Variants in SLC17A1 observed in about 807,000 individuals in gnomAD.
SLC17A1 encodes sodium-dependent phosphate transport protein 1.
In SLC17A1, 51 loss-of-function variants were observed where a neutral mutation model predicts 53.5. The observed-to-expected ratio is 0.95, with a 90% CI of 0.76 to 1.20. The LOEUF (loss-of-function observed/expected upper bound fraction) is 1.20. Ranked by LOEUF, SLC17A1 falls within the 50% of genes most tolerant of loss-of-function variation. SLC17A1 has a pLI of 0.00. For missense variants in SLC17A1, 538 were observed against 568.2 expected, an observed-to-expected ratio of 0.95 and a Z score of 0.54; for synonymous variants, 179 against 198.8, an observed-to-expected ratio of 0.90 and a Z score of 0.84.
At chr6:25,822,913 A>G (rs531454864) in intron 3 of SLC17A1, among the ~76,000 whole-genome samples, 2 of 152,120 alleles carry the variant, frequency 1.3e-5, no homozygotes, top group African/African-American at 2.4e-5. Context: ...GACAGTGAAC[A>G]TATTCTTTAT....
intron 12 of SLC17A1, among the ~76,000 whole-genome samples, chr6:25,788,133 C>G (rs954374297): frequency 1.3e-5 from 2 of 152,118 alleles, no homozygotes; most frequent in African/African-American, 4.8e-5. Flanking sequence ...GCTAGCCAGA[C>G]ACAGCCAGCT....
chr6:25,781,993 G>A (rs1043283053), downstream of SLC17A1, among the ~76,000 whole-genome samples: 4 of 152,172 alleles, frequency 2.6e-5, no homozygotes, highest in Admixed American at 6.5e-5. Flanking sequence ...GAGAAAAGTC[G>A]CATATGCAAA....
intron 6 of SLC17A1, among the ~76,000 whole-genome samples, chr6:25,815,005 A>T (rs148269701): frequency 0.3 from 45,599 of 149,750 alleles, 7,724 homozygotes; most frequent in East Asian, 0.68. Context: ...ACACACACAC[A>T]CACACACACA....
At chr6:25,791,941 A>G (rs905691018) in intron 12 of SLC17A1, among the ~76,000 whole-genome samples, 2 of 152,360 alleles carry the variant, frequency 1.3e-5, no homozygotes, top group East Asian at 3.9e-4. Flanking sequence ...ATAGAGCTGT[A>G]GAGTCCATTT....
At chr6:25,767,639 A>G in the SLC17A1 span, among the ~76,000 whole-genome samples, 1 of 152,230 alleles carries the variant, frequency 6.6e-6, no homozygotes, top group African/African-American at 2.4e-5. Flanking sequence ...TAATTAAAGG[A>G]CATGTCACAC....
chr6:25,725,001 T>A, the SLC17A1 span, among the ~76,000 whole-genome samples: 142 of 133,092 alleles, frequency 1.1e-3, 2 homozygotes, highest in South Asian at 1.0e-2. Context: ...AGCAGTTTTT[T>A]TTTTGGTAAC....
chr6:25,784,725 T>C (rs1455412508), intron 12 of SLC17A1, among the ~76,000 whole-genome samples: 1 of 152,186 alleles, frequency 6.6e-6, no homozygotes, highest in Non-Finnish European at 1.5e-5. Context: ...AAAAGCCATA[T>C]GGCTTTTAGA....
chr6:25,734,385 G>A, the SLC17A1 span, among the ~76,000 whole-genome samples: 11 of 152,158 alleles, frequency 7.2e-5, no homozygotes, highest in African/African-American at 2.7e-4. Context: ...TGAGGATTAA[G>A]ATGAATGGGG....
At chr6:25,777,092 T>A in the SLC17A1 span, 1 of 947,916 alleles carries the variant, frequency 1.1e-6, no homozygotes, top group Non-Finnish European at 1.5e-6. Flanking sequence ...CTCTACATCC[T>A]ACATCTAAAT....
At chr6:25,808,929 G>T (rs1764053578) in intron 10 of SLC17A1, among the ~76,000 whole-genome samples, 1 of 151,936 alleles carries the variant, frequency 6.6e-6, no homozygotes, top group Non-Finnish European at 1.5e-5. Context: ...AGATATTATT[G>T]TATCAAAAAA....
At chr6:25,807,505 G>A (rs773276864) in intron 10 of SLC17A1, among the ~76,000 whole-genome samples, 1 of 151,900 alleles carries the variant, frequency 6.6e-6, no homozygotes, top group African/African-American at 2.4e-5. Context: ...GGTGGTATTT[G>A]GTTACAGGGA....
the SLC17A1 span, among the ~76,000 whole-genome samples, chr6:25,740,434 A>G: frequency 1.6e-4 from 24 of 152,192 alleles, no homozygotes; most frequent in Non-Finnish European, 3.1e-4. Context: ...GATTAATATA[A>G]GTTATTTGTT....
chr6:25,765,961 A>G, the SLC17A1 span, among the ~76,000 whole-genome samples: 1 of 152,010 alleles, frequency 6.6e-6, no homozygotes, highest in African/African-American at 2.4e-5. Flanking sequence ...CAGAGAGATT[A>G]AATACAAGCA....
At chr6:25,817,245 C>T (rs1023759411) in intron 6 of SLC17A1, among the ~76,000 whole-genome samples, 24 of 152,164 alleles carry the variant, frequency 1.6e-4, no homozygotes, top group African/African-American at 5.6e-4. Context: ...CAGTTATTGT[C>T]GTATTCTTTA....
Position 25,819,384 on chromosome 6 carries a change from A to G in SLC17A1, c.529+127T>C, listed in dbSNP as rs138874279. 349 of 809,844 alleles carry G rather than the reference A, an allele frequency of 4.3e-4. 1 individual carries two copies. The African/African-American group carries it at 4.9e-3, about 11-fold the overall frequency. 50.2% of individuals were successfully genotyped at this position (809,844 alleles called of 1,614,324 possible). On this transcript the variant is annotated intron_variant, in intron 5 of 12. Coordinates refer to ENST00000244527, the MANE Select transcript of SLC17A1 (RefSeq NM_005074.5). ...ACAATTCTCTCATCTTCATAGCAAG[A>G]ATGCTGAAACAGATGATTTCCAAAG...
intron 12 of SLC17A1, among the ~76,000 whole-genome samples, chr6:25,795,484 G>A (rs1763584568): frequency 6.6e-6 from 1 of 152,140 alleles, no homozygotes; most frequent in Non-Finnish European, 1.5e-5. Context: ...AAGGAGGCAG[G>A]AGGAGGAGAA....
chr6:25,756,181 G>A, the SLC17A1 span, among the ~76,000 whole-genome samples: 54 of 152,148 alleles, frequency 3.5e-4, no homozygotes, highest in African/African-American at 1.2e-3. Flanking sequence ...TTGGGAGATC[G>A]AGACCATCCT....
At chr6:25,821,640 A>T (rs1764565989) in intron 3 of SLC17A1, among the ~76,000 whole-genome samples, 1 of 152,204 alleles carries the variant, frequency 6.6e-6, no homozygotes, top group Non-Finnish European at 1.5e-5. Flanking sequence ...TTATGGCTTA[A>T]AGCCATCACT....
chr6:25,801,747 T>G (rs1467241503), intron 10 of SLC17A1, among the ~76,000 whole-genome samples: 1 of 152,212 alleles, frequency 6.6e-6, no homozygotes, highest in Non-Finnish European at 1.5e-5. Flanking sequence ...TCTTTCCCAT[T>G]CCTACTCTGC....
Sources: gnomAD v4.1 joint callset for allele counts (sites outside exome capture counted in the v4.1 genomes callset) on GRCh38, gnomAD v4.1.1 for gene constraint, MANE v1.5 for transcripts, NCBI Gene and HGNC (gene_info 2026-07-23, HGNC 2026-07-21) for gene names.